The following SLC6A20 variants were observed in gnomAD, a reference collection of about 807,000 sequenced individuals.
SLC6A20 encodes sodium- and chloride-dependent transporter XTRP3.
In SLC6A20, 73 loss-of-function variants were observed where a neutral mutation model predicts 64.3. The ratio of observed to expected loss-of-function variants is 1.14; its 90% CI spans 0.94 to 1.38. SLC6A20 has a LOEUF of 1.38. Ranked by LOEUF, SLC6A20 falls within the 40% of genes most tolerant of loss-of-function variation. The pLI, the probability that SLC6A20 is intolerant of heterozygous loss-of-function variation, is 0.00. For synonymous variants in SLC6A20, 347 were observed against 329.6 expected (o/e 1.05, Z -0.57); for missense variants, 725 against 772.8 (o/e 0.94, Z 0.73).
chr3:45,795,425 C>A (rs1279357537), intron 1 of SLC6A20, among the ~76,000 whole-genome samples: 1 of 152,128 alleles, frequency 6.6e-6, no homozygotes, highest in Non-Finnish European at 1.5e-5. Flanking sequence ...TATTTGAGGG[C>A]TTAGGAAGTT....
intron 1 of SLC6A20, among the ~76,000 whole-genome samples, chr3:45,783,110 G>C (rs554261125): frequency 5.9e-4 from 90 of 152,198 alleles, no homozygotes; most frequent in Non-Finnish European, 1.9e-4. Flanking sequence ...ACTTACTCTG[G>C]GCCAGCCCCT....
rs532566351 is a variant in SLC6A20 at position 45,755,961 on chromosome 3, C to T, written c.*3017G>A. ...CATTTTATAAAATGTAAATACTCCT[C>T]AATGTACCACCCATGTTCTTTCTTT... On this transcript the variant is annotated 3_prime_UTR_variant, in exon 11 of 11. Transcript: ENST00000358525. 6.6e-6 allele frequency: 1 copy of T among 152,356 alleles called. No individual in the cohort carries two copies. The highest frequency in any genetic ancestry group is 1.5e-5 in the Non-Finnish European group (1 of 68,036). The allele number at this position is 152,356 out of a possible 1,614,324, so 9.4% of individuals were successfully genotyped here.
At chr3:45,761,353 T>G (rs1699678957) in intron 9 of SLC6A20, among the ~76,000 whole-genome samples, 1 of 151,812 alleles carries the variant, frequency 6.6e-6, no homozygotes, top group African/African-American at 2.4e-5. Flanking sequence ...CTCCTGCCAC[T>G]TACATGGTCA....
At position 45,763,091 on chromosome 3, in the gene SLC6A20, G is replaced by C. The variant is rs1330369492; in HGVS notation, c.1304-19C>G. On this transcript the variant is annotated intron_variant, in intron 8 of 10. Transcript: ENST00000358525. The stretch of plus-strand genomic sequence containing the variant: ...ACCAGACCTGGGGGCCACAAGACCA[G>C]CTGCTCACCTGCCCGAGACCCCCCC... The C allele has an allele frequency of 1.9e-6, 3 of 1,613,326 alleles. No individual in the cohort carries two copies. Among genetic ancestry groups the C allele is most frequent in the Non-Finnish European group, 1.7e-6 (2 of 1,179,792 alleles).
intron 7 of SLC6A20, among the ~76,000 whole-genome samples, chr3:45,768,715 C>A (rs1367462632): frequency 6.6e-6 from 1 of 152,180 alleles, no homozygotes; most frequent in Non-Finnish European, 1.5e-5. Context: ...ACCCAACCAA[C>A]CAACCACCCC....
intron 5 of SLC6A20, 136 bp from the exon 6 acceptor site, chr3:45,771,594 G>A: frequency 7.2e-7 from 1 of 1,387,260 alleles, no homozygotes; most frequent in Non-Finnish European, 9.7e-7. Flanking sequence ...CCCTAGGGCT[G>A]GAGACCAGCT....
chr3:45,774,288 C>A (rs1381038410), intron 4 of SLC6A20, among the ~76,000 whole-genome samples: 2 of 152,210 alleles, frequency 1.3e-5, no homozygotes, highest in African/African-American at 4.8e-5. Flanking sequence ...TGGTCTTATG[C>A]AACACATTTC....
chr3:45,771,545 G>A (rs936246810), intron 5 of SLC6A20, 87 bp from the exon 6 acceptor site: 6 of 1,576,130 alleles, frequency 3.8e-6, no homozygotes, highest in Non-Finnish European at 4.3e-6. Flanking sequence ...CCCAGAGAGG[G>A]GAAGGAGCTC....
intron 1 of SLC6A20, among the ~76,000 whole-genome samples, chr3:45,788,416 T>C (rs1575437593): frequency 6.6e-6 from 1 of 152,322 alleles, no homozygotes; most frequent in South Asian, 2.1e-4. Context: ...CAGTTGTGCC[T>C]GCAGAAAGAA....
At chr3:45,790,157 C>T (rs1700225961) in intron 1 of SLC6A20, 1 of 152,118 alleles carries the variant, frequency 6.6e-6, no homozygotes, top group Non-Finnish European at 1.5e-5. Context: ...AAAGCTTACT[C>T]AGGTGTCCAA....
chr3:45,760,914 C>G lies in SLC6A20; in HGVS notation c.1464-892G>C, dbSNP rs556058529. On this transcript the variant is annotated intron_variant, in intron 9 of 10. Coordinates refer to ENST00000358525, the MANE Select transcript of SLC6A20 (RefSeq NM_020208.4). ...CAGAACCTGGGTTGGCCTCCTGCCT[C>G]CAGCCCAGAGCCTTTAAACCTGCTC... Among the ~76,000 whole-genome samples, 23 of 152,350 alleles carry G rather than the reference C, an allele frequency of 1.5e-4. No individual in the cohort carries two copies. The South Asian group carries it at 4.8e-3, about 32-fold the overall frequency.
Position 45,765,337 on chromosome 3 carries a change from G to T in SLC6A20, c.1303+200C>A, listed in dbSNP as rs966761933. On this transcript the variant is annotated intron_variant, in intron 8 of 10. Coordinates refer to ENST00000358525, the MANE Select transcript of SLC6A20 (RefSeq NM_020208.4). The surrounding 1 kb of genome is among the most constrained non-coding windows in gnomAD (Gnocchi z 4.2). ...GGTGGCCACTTCACTTCCCTGTGAT[G>T]TGGAGAATGGAACGCACAGGGTGAA... Among the ~76,000 whole-genome samples, 7 of 152,200 alleles carry T rather than the reference G, an allele frequency of 4.6e-5. No individual in the cohort carries two copies. The highest frequency in any genetic ancestry group is 1.3e-4 in the Admixed American group (2 of 15,286).
chr3:45,793,121 C>T (rs1700284340), intron 1 of SLC6A20, among the ~76,000 whole-genome samples: 2 of 152,224 alleles, frequency 1.3e-5, no homozygotes, highest in South Asian at 2.1e-4. Flanking sequence ...GCTGAAAGAG[C>T]TGGCTTCCTG....
At chr3:45,785,097 C>A (rs573368735) in intron 1 of SLC6A20, among the ~76,000 whole-genome samples, 1 of 152,262 alleles carries the variant, frequency 6.6e-6, no homozygotes, top group East Asian at 1.9e-4. Flanking sequence ...CATATTCAAA[C>A]CATAGTAGGA....
Position 45,759,038 on chromosome 3 carries a change from C to T in SLC6A20, c.1719G>A (p.Ala573=), listed in dbSNP as rs368934896. ...VASSTMCIPL[A]ALGTFVQRRL... ...GACGCTGAACAAAAGTCCCCAGGGCCGCCAGGGGGATGCACATGGTGGAGG... is the reference window on the plus strand; with the variant it reads ...GACGCTGAACAAAAGTCCCCAGGGCTGCCAGGGGGATGCACATGGTGGAGG... The change falls in exon 11 of 11, where the codon GCG becomes GCA. Residue 573 remains alanine (A), a synonymous_variant. Coordinates refer to ENST00000358525, the MANE Select transcript of SLC6A20 (RefSeq NM_020208.4). 270 of 1,612,648 alleles carry T rather than the reference C, an allele frequency of 1.7e-4. No individual in the cohort carries two copies. The highest frequency in any genetic ancestry group is 2.0e-4 in the Non-Finnish European group (240 of 1,179,482).
chr3:45,783,970 G>A (rs544368809), intron 1 of SLC6A20, among the ~76,000 whole-genome samples: 94 of 152,306 alleles, frequency 6.2e-4, no homozygotes, highest in Admixed American at 1.2e-3. Flanking sequence ...TAAAGATTGG[G>A]TTCACACACT....
chr3:45,793,908 C>T (rs1307280046), intron 1 of SLC6A20, among the ~76,000 whole-genome samples: 1 of 150,958 alleles, frequency 6.6e-6, no homozygotes, highest in Non-Finnish European at 1.5e-5. Context: ...TTGGGAAAGC[C>T]TCTAGCATCC....
chr3:45,779,350 C>A (rs1287294117), intron 3 of SLC6A20, among the ~76,000 whole-genome samples: 2 of 152,242 alleles, frequency 1.3e-5, no homozygotes, highest in African/African-American at 4.8e-5. Context: ...TACACCAGCT[C>A]TCTGTGTGGA....
At chr3:45,769,290 A>G (rs1699821837) in intron 7 of SLC6A20, among the ~76,000 whole-genome samples, 1 of 152,218 alleles carries the variant, frequency 6.6e-6, no homozygotes, top group African/African-American at 2.4e-5. Flanking sequence ...AATTCAAAAG[A>G]TATTAATTCT....
Sources: gnomAD v4.1 joint callset for allele counts (sites outside exome capture counted in the v4.1 genomes callset) on GRCh38, gnomAD v4.1.1 for gene constraint, Gnocchi (gnomAD v3.1) non-coding constraint, MANE v1.5 for transcripts, NCBI Gene and HGNC (gene_info 2026-07-23, HGNC 2026-07-21) for gene names.